The following ARHGAP24 variants were observed in gnomAD, a reference collection of about 807,000 sequenced individuals.
ARHGAP24 encodes Rho GTPase activating protein 24.
Under a neutral mutation model 76.4 loss-of-function variants are expected in ARHGAP24, and 50 were observed. The observed-to-expected ratio is 0.65, with a 90% CI of 0.52 to 0.83. The LOEUF (loss-of-function observed/expected upper bound fraction) is 0.83, where lower values mean the gene tolerates loss of function less well. Ranked by LOEUF, ARHGAP24 falls within the 40% of genes least tolerant of loss-of-function variation. The probability of loss-of-function intolerance (pLI) is 0.00; values close to 1 mark genes in which losing one functional copy is unlikely to be tolerated. For missense variants in ARHGAP24, 930 were observed against 914.2 expected, an observed-to-expected ratio of 1.02 and a Z score of -0.22; for synonymous variants, 345 against 323.3, an observed-to-expected ratio of 1.07 and a Z score of -0.72.
chr4:85,560,911 A>G (rs1188176250), intron 1 of ARHGAP24, among the ~76,000 whole-genome samples: 3 of 152,180 alleles, frequency 2.0e-5, no homozygotes, highest in African/African-American at 7.2e-5. Flanking sequence ...TGATTTTTGT[A>G]CAGTACTCAG....
rs187694728 is a variant in ARHGAP24 at position 85,559,865 on chromosome 4, G to A, written c.-20-10657G>A. 1.3e-3 allele frequency among the ~76,000 whole-genome samples: 201 copies of A among 151,946 alleles called. 2 individuals are homozygous for A. The highest frequency in any genetic ancestry group is 3.2e-3 in the African/African-American group (131 of 41,440). On this transcript the variant is annotated intron_variant, in intron 1 of 9. Transcript: ENST00000395184. Reference sequence around the variant, plus strand: ...TAAGTTGAATTTCTCATCTTTTCCCGTTTCAGATGCCATTGCTTTTGGAAA... The same window carrying A: ...TAAGTTGAATTTCTCATCTTTTCCCATTTCAGATGCCATTGCTTTTGGAAA...
intron 3 of ARHGAP24, chr4:85,827,794 G>A: frequency 1.5e-6 from 1 of 645,888 alleles, no homozygotes; most frequent in South Asian, 1.7e-5. Flanking sequence ...TGGGGAGCGA[G>A]CCGTGGTTTC....
intron 1 of ARHGAP24, among the ~76,000 whole-genome samples, chr4:85,519,698 T>C (rs1240111869): frequency 1.3e-5 from 2 of 152,176 alleles, no homozygotes; most frequent in African/African-American, 2.4e-5. Context: ...TCTGAAAATA[T>C]TCGTTTCTGA....
intron 1 of ARHGAP24, among the ~76,000 whole-genome samples, chr4:85,548,476 T>C (rs1164529102): frequency 6.6e-6 from 1 of 152,186 alleles, no homozygotes; most frequent in Non-Finnish European, 1.5e-5. Flanking sequence ...CAGGATGCAT[T>C]CTGGTGTCCT....
intron 2 of ARHGAP24, among the ~76,000 whole-genome samples, chr4:85,720,426 C>A (rs1349654127): frequency 6.6e-6 from 1 of 152,044 alleles, no homozygotes; most frequent in Non-Finnish European, 1.5e-5. Flanking sequence ...CTGGCTTTTG[C>A]AACTGCATAG....
chr4:85,506,844 G>A, intron 1 of ARHGAP24, among the ~76,000 whole-genome samples: 1 of 152,114 alleles, frequency 6.6e-6, no homozygotes, highest in Non-Finnish European at 1.5e-5. Context: ...GCTGGGAGCT[G>A]CAGACTGGAG....
At position 85,484,882 on chromosome 4, in the gene ARHGAP24, A is replaced by G. The variant is rs368539342; in HGVS notation, c.-21+9323A>G. On this transcript the variant is annotated intron_variant, in intron 1 of 9. Transcript: ENST00000395184. ...TCTGCCTGCCTCAGCCTCCCAAAGTACTAGGATTACAGACATGAGCCATTG... is the reference window on the plus strand; with the variant it reads ...TCTGCCTGCCTCAGCCTCCCAAAGTGCTAGGATTACAGACATGAGCCATTG... Among the ~76,000 whole-genome samples the G allele has an allele frequency of 2.0e-5, 3 of 152,024 alleles. No individual in the cohort carries two copies. In the East Asian group the frequency reaches 5.8e-4, roughly 29 times the overall value.
chr4:85,572,298 C>T (rs891850540), intron 2 of ARHGAP24, among the ~76,000 whole-genome samples: 7 of 152,062 alleles, frequency 4.6e-5, no homozygotes, highest in African/African-American at 1.2e-4. Context: ...GTGGGGATTT[C>T]GTTACGGAGG....
intron 3 of ARHGAP24, among the ~76,000 whole-genome samples, chr4:85,824,685 C>G (rs184707963): frequency 8.6e-5 from 13 of 151,490 alleles, no homozygotes; most frequent in African/African-American, 2.7e-4. Context: ...TCTTAAAATC[C>G]AAGAGGAAAA....
At chr4:85,918,986 T>C (rs1454554238) in intron 3 of ARHGAP24, among the ~76,000 whole-genome samples, 1 of 152,184 alleles carries the variant, frequency 6.6e-6, no homozygotes, top group East Asian at 1.9e-4. Context: ...CTGCATAAGA[T>C]ATTTATGTCC....
At chr4:85,904,316 G>T (rs1240350827) in intron 3 of ARHGAP24, among the ~76,000 whole-genome samples, 2 of 152,064 alleles carry the variant, frequency 1.3e-5, no homozygotes, top group East Asian at 3.9e-4. Flanking sequence ...AGAGAGTGGG[G>T]GATGGAGTGG....
intron 8 of ARHGAP24, chr4:85,990,531 T>C (rs1390484733): frequency 6.8e-6 from 1 of 146,154 alleles, no homozygotes; most frequent in Non-Finnish European, 1.5e-5. Context: ...ATTTCAAGAC[T>C]TAGTATAAAG....
At chr4:85,679,047 G>A (rs1723103633) in intron 2 of ARHGAP24, among the ~76,000 whole-genome samples, 1 of 152,210 alleles carries the variant, frequency 6.6e-6, no homozygotes, top group Admixed American at 6.5e-5. Context: ...AGAAAGGCAA[G>A]ATGGTTGACA....
intron 3 of ARHGAP24, among the ~76,000 whole-genome samples, chr4:85,894,077 T>A (rs571826721): frequency 7.4e-4 from 89 of 119,876 alleles, no homozygotes; most frequent in Admixed American, 2.4e-3. Flanking sequence ...TGTGCACATG[T>A]ACCCTAAAAC....
chr4:85,865,721 TATTA>T (rs992887224), intron 3 of ARHGAP24, among the ~76,000 whole-genome samples: 17 of 151,598 alleles, frequency 1.1e-4, no homozygotes, highest in Non-Finnish European at 2.1e-4. Context: ...TAAGAAGAAT[TATTA>T]ATTTCAATTA....
At chr4:85,494,834 C>A (rs1723496288) in intron 1 of ARHGAP24, among the ~76,000 whole-genome samples, 1 of 152,048 alleles carries the variant, frequency 6.6e-6, no homozygotes, top group Non-Finnish European at 1.5e-5. Context: ...CGCGATGGCT[C>A]ACGCCTGTAA....
At chr4:85,796,850 C>A (rs1728363128) in intron 3 of ARHGAP24, among the ~76,000 whole-genome samples, 1 of 152,086 alleles carries the variant, frequency 6.6e-6, no homozygotes, top group Non-Finnish European at 1.5e-5. Flanking sequence ...TCTGCCAAGT[C>A]CTCCTTCATT....
In ARHGAP24 at chr4:85,901,401, A is replaced by C. The variant is rs1001407162; in HGVS notation, c.269-22247A>C. 4.6e-5 allele frequency among the ~76,000 whole-genome samples: 7 copies of C among 152,138 alleles called. No homozygotes were observed. In the East Asian group the frequency reaches 5.8e-4, roughly 13 times the overall value. On this transcript the variant is annotated intron_variant, in intron 3 of 9. Coordinates refer to ENST00000395184, the MANE Select transcript of ARHGAP24 (RefSeq NM_001025616.3). ...AACAAACAAACAACAAAAAAAAAAA[A>C]CTGACAAAACCATAAGAAATGTCAT...
chr4:85,897,885 G>A (rs1022304989), intron 3 of ARHGAP24, among the ~76,000 whole-genome samples: 34 of 151,916 alleles, frequency 2.2e-4, no homozygotes, highest in African/African-American at 7.5e-4. Flanking sequence ...TGGTGGGTGT[G>A]TGCACGCAAA....
Sources: allele counts gnomAD v4.1 joint callset (sites outside exome capture counted in the v4.1 genomes callset), GRCh38; gene constraint gnomAD v4.1.1; transcripts MANE v1.5; gene names NCBI Gene and HGNC (gene_info 2026-07-23, HGNC 2026-07-21).